Variants in LINGO2 observed in about 807,000 individuals in gnomAD.
The protein encoded by LINGO2 is leucine-rich repeat and immunoglobulin-like domain-containing nogo receptor-interacting protein 2.
LINGO2 carries 14 observed loss-of-function variants against 30.6 expected under a neutral mutation model. The observed-to-expected ratio is 0.46, with a 90% CI of 0.30 to 0.72. The LOEUF is 0.72. LINGO2 is among the 30% of genes least tolerant of loss of function. The pLI, the probability that LINGO2 is intolerant of heterozygous loss-of-function variation, is 0.07. For synonymous variants in LINGO2, 317 were observed against 288.5 expected, an observed-to-expected ratio of 1.10 and a Z score of -1.00; for missense variants, 729 against 751.7, an observed-to-expected ratio of 0.97 and a Z score of 0.35.
chr9:28,712,951 C>T, the LINGO2 span, among the ~76,000 whole-genome samples: 3 of 151,930 alleles, frequency 2.0e-5, no homozygotes, highest in Non-Finnish European at 2.9e-5. Context: ...CTGCAAACTC[C>T]GCCTCCCAGA....
chr9:28,694,959 T>A, the LINGO2 span, among the ~76,000 whole-genome samples: 1 of 151,734 alleles, frequency 6.6e-6, no homozygotes, highest in Admixed American at 6.6e-5. Context: ...ACTGTTTTTT[T>A]TTTTTTTTAA....
chr9:28,303,098 T>C (rs1303744247), intron 3 of LINGO2, among the ~76,000 whole-genome samples: 1 of 152,206 alleles, frequency 6.6e-6, no homozygotes, highest in African/African-American at 2.4e-5. Flanking sequence ...CTATTTCTAA[T>C]AGTTCCTTCC....
intron 2 of LINGO2, among the ~76,000 whole-genome samples, chr9:28,401,542 G>C (rs998174390): frequency 2.0e-5 from 3 of 152,094 alleles, no homozygotes; most frequent in African/African-American, 4.8e-5. Context: ...TTACTGATGG[G>C]CATTTGGGTT....
Position 28,048,086 on chromosome 9 carries a change from G to A in LINGO2, c.-86-35681C>T, listed in dbSNP as rs536873509. 8.6e-5 allele frequency among the ~76,000 whole-genome samples: 13 copies of A among 150,818 alleles called. 1 individual carries two copies. In the East Asian group the frequency reaches 2.6e-3, roughly 30 times the overall value. ...CTGCATGTACTGGCAGAAACACAAA[G>A]CCACCTCAGTGAGAAGGGGTAGGAA... On this transcript the variant is annotated intron_variant, in intron 4 of 5. Transcript: ENST00000379992.
chr9:28,731,766 A>C, the LINGO2 span, among the ~76,000 whole-genome samples: 1 of 152,174 alleles, frequency 6.6e-6, no homozygotes, highest in African/African-American at 2.4e-5. Context: ...AAAATCTGGA[A>C]AATATTGGTG....
intron 3 of LINGO2, among the ~76,000 whole-genome samples, chr9:28,358,166 A>C (rs1373782458): frequency 6.6e-6 from 1 of 152,164 alleles, no homozygotes; most frequent in African/African-American, 2.4e-5. Flanking sequence ...AGTTGTTACT[A>C]TGTGTCAGGC....
the LINGO2 span, among the ~76,000 whole-genome samples, chr9:28,893,008 C>A: frequency 6.6e-6 from 1 of 151,908 alleles, no homozygotes; most frequent in Non-Finnish European, 1.5e-5. Context: ...GCTTTATGCA[C>A]CTCTACCTTT....
the LINGO2 span, among the ~76,000 whole-genome samples, chr9:28,875,443 T>C: frequency 1.3e-5 from 2 of 152,116 alleles, no homozygotes; most frequent in African/African-American, 4.8e-5. Context: ...GACTTTCACC[T>C]ATATGTTTAC....
chr9:28,298,776 A>AC (rs75555431), intron 3 of LINGO2, among the ~76,000 whole-genome samples: 8,544 of 152,238 alleles, frequency 0.056, 308 homozygotes, highest in East Asian at 0.19. Context: ...TGAATTTTTG[A>AC]CAATGTGCAA....
intron 4 of LINGO2, among the ~76,000 whole-genome samples, chr9:28,050,257 A>G (rs1824610535): frequency 6.6e-6 from 1 of 150,770 alleles, no homozygotes; most frequent in Non-Finnish European, 1.5e-5. Flanking sequence ...CTGAGGTTAC[A>G]AAAATGAGTA....
intron 4 of LINGO2, among the ~76,000 whole-genome samples, chr9:28,294,034 C>A (rs1432687955): frequency 6.6e-6 from 1 of 152,086 alleles, no homozygotes; most frequent in Admixed American, 6.5e-5. Context: ...AACATTTCTG[C>A]CATGAGATTG....
At chr9:28,560,945 G>A (rs1305451198) in intron 1 of LINGO2, among the ~76,000 whole-genome samples, 4 of 151,962 alleles carry the variant, frequency 2.6e-5, no homozygotes, top group African/African-American at 9.7e-5. Context: ...AAAGTGCCGG[G>A]ATTACAGGTA....
chr9:28,467,490 T>C (rs1467243079), intron 2 of LINGO2, among the ~76,000 whole-genome samples: 1 of 152,176 alleles, frequency 6.6e-6, no homozygotes, highest in Non-Finnish European at 1.5e-5. Context: ...TCTTCTTTGT[T>C]AATGCTGAAA....
At chr9:28,692,412 T>C in the LINGO2 span, among the ~76,000 whole-genome samples, 1 of 151,924 alleles carries the variant, frequency 6.6e-6, no homozygotes, top group East Asian at 1.9e-4. Context: ...GGGTCGGAGG[T>C]TGCAATGAGC....
At chr9:29,043,126 A>G in the LINGO2 span, among the ~76,000 whole-genome samples, 1 of 151,992 alleles carries the variant, frequency 6.6e-6, no homozygotes. Flanking sequence ...TAGACTGAAC[A>G]GAGACAGTAT....
chr9:28,791,784 T>C, the LINGO2 span, among the ~76,000 whole-genome samples: 1 of 151,894 alleles, frequency 6.6e-6, no homozygotes, highest in Non-Finnish European at 1.5e-5. Flanking sequence ...AGTATGGAGA[T>C]AAGTTTAAAG....
At chr9:28,955,404 T>C in the LINGO2 span, among the ~76,000 whole-genome samples, 1 of 152,074 alleles carries the variant, frequency 6.6e-6, no homozygotes, top group Non-Finnish European at 1.5e-5. Context: ...TGCATGGGAG[T>C]GTCTGCTTGC....
At chr9:28,517,846 A>C (rs1283156601) in intron 1 of LINGO2, among the ~76,000 whole-genome samples, 1 of 152,194 alleles carries the variant, frequency 6.6e-6, no homozygotes, top group Non-Finnish European at 1.5e-5. Context: ...AAATTCAAAC[A>C]CAATAAATCA....
chr9:29,097,314 T>C, the LINGO2 span, among the ~76,000 whole-genome samples: 7 of 135,400 alleles, frequency 5.2e-5, 2 homozygotes, highest in African/African-American at 1.9e-4. Context: ...GTAGTTTTAA[T>C]CTTTTTTTGA....
Sources: allele counts gnomAD v4.1 joint callset (sites outside exome capture counted in the v4.1 genomes callset), GRCh38; gene constraint gnomAD v4.1.1; transcripts MANE v1.5; gene names NCBI Gene and HGNC (gene_info 2026-07-23, HGNC 2026-07-21).